Variants in NHS observed in about 807,000 individuals in gnomAD.
The protein encoded by NHS is actin remodeling regulator NHS.
In NHS, 5 loss-of-function variants were observed where a neutral mutation model predicts 72.5. That is an observed-to-expected ratio of 0.07 (90% CI 0.04 to 0.14). NHS has a LOEUF of 0.14. Ranked by LOEUF, NHS falls within the 10% of genes least tolerant of loss-of-function variation. The pLI, the probability that NHS is intolerant of heterozygous loss-of-function variation, is 1.00. For synonymous variants in NHS, 464 were observed against 547.7 expected, an observed-to-expected ratio of 0.85 and a Z score of 2.13; for missense variants, 1,072 against 1,355.7, an observed-to-expected ratio of 0.79 and a Z score of 3.29.
chrX:17,589,785 T>A (rs899290471), intron 1 of NHS, among the ~76,000 whole-genome samples: 1 of 112,132 alleles, frequency 8.9e-6, no homozygotes, highest in Non-Finnish European at 1.9e-5. Context: ...TATACTAGTT[T>A]ACATTCCCAC....
intron 2 of NHS, 84 bp from the exon 3 acceptor site, chrX:17,692,251 G>C: frequency 9.4e-7 from 1 of 1,066,673 alleles, no homozygotes. Flanking sequence ...TTTTTTTACA[G>C]CCTTTTGCTA....
chrX:17,721,303 A>T, intron 4 of NHS, 138 bp from the exon 5 acceptor site: 1 of 558,262 alleles, frequency 1.8e-6, no homozygotes, highest in Non-Finnish European at 3.1e-6. Context: ...TGTGCTTACT[A>T]ACTATTTCTA....
chrX:17,618,298 T>A (rs1336985245), intron 1 of NHS, among the ~76,000 whole-genome samples: 6 of 112,140 alleles, frequency 5.4e-5, no homozygotes, highest in Non-Finnish European at 1.1e-4. Context: ...TGAGTACAGT[T>A]ACAGCCAAAT....
chrX:17,466,141 C>T (rs2064869866), intron 1 of NHS, among the ~76,000 whole-genome samples: 1 of 113,144 alleles, frequency 8.8e-6, no homozygotes. Context: ...TGCCCTCCTG[C>T]CCTGTCGGGC....
At chrX:17,631,273 A>G (rs750375200) in intron 1 of NHS, among the ~76,000 whole-genome samples, 5 of 112,236 alleles carry the variant, frequency 4.5e-5, no homozygotes, top group Non-Finnish European at 7.5e-5. Flanking sequence ...TGAGACATCA[A>G]GTTACCATGG....
intron 3 of NHS, among the ~76,000 whole-genome samples, chrX:17,709,266 T>C (rs1417383995): frequency 9.0e-6 from 1 of 111,636 alleles, no homozygotes; most frequent in East Asian, 2.8e-4. Context: ...CCACAATAAA[T>C]TCTTTTCCCC....
intron 3 of NHS, among the ~76,000 whole-genome samples, chrX:17,704,676 T>C (rs2066286091): frequency 9.0e-6 from 1 of 111,674 alleles, no homozygotes; most frequent in Non-Finnish European, 1.9e-5. Context: ...GACTAAGAGA[T>C]GGTCACATTC....
intron 3 of NHS, among the ~76,000 whole-genome samples, chrX:17,695,253 C>G (rs966080914): frequency 8.9e-6 from 1 of 111,876 alleles, no homozygotes; most frequent in Non-Finnish European, 1.9e-5. Flanking sequence ...TCAGTGTATG[C>G]AAAGATTTAT....
intron 1 of NHS, among the ~76,000 whole-genome samples, chrX:17,393,789 C>T (rs1474972891): frequency 9.0e-6 from 1 of 111,675 alleles, no homozygotes; most frequent in East Asian, 2.8e-4. Flanking sequence ...CTATCCATAG[C>T]TGAGAGGGTT....
At chrX:17,706,387 T>C (rs965592545) in intron 3 of NHS, among the ~76,000 whole-genome samples, 16 of 111,215 alleles carry the variant, frequency 1.4e-4, no homozygotes, top group African/African-American at 5.2e-4. Flanking sequence ...AGATATACTA[T>C]GGCTATGTAA....
At chrX:17,418,842 C>T (rs769731948) in intron 1 of NHS, among the ~76,000 whole-genome samples, 5 of 110,699 alleles carry the variant, frequency 4.5e-5, no homozygotes, top group South Asian at 3.8e-4. Flanking sequence ...AACTAAGGGA[C>T]GGAGGAAAAG....
At chrX:17,609,380 G>T (rs1172591898) in intron 1 of NHS, among the ~76,000 whole-genome samples, 1 of 111,639 alleles carries the variant, frequency 9.0e-6, no homozygotes, top group Non-Finnish European at 1.9e-5. Context: ...AGCTCACCAG[G>T]ACACAAGGCA....
intron 1 of NHS, among the ~76,000 whole-genome samples, chrX:17,495,966 C>T (rs1393826731): frequency 9.0e-6 from 1 of 111,301 alleles, no homozygotes; most frequent in African/African-American, 3.3e-5. Context: ...GCTGGTGGCA[C>T]TCTGGAAAGG....
intron 1 of NHS, among the ~76,000 whole-genome samples, chrX:17,552,063 G>A (rs140885716): frequency 8.9e-6 from 1 of 111,823 alleles, no homozygotes; most frequent in Non-Finnish European, 1.9e-5. Flanking sequence ...GTTACTAACT[G>A]GTCCAGGACC....
intron 1 of NHS, among the ~76,000 whole-genome samples, chrX:17,434,872 T>C (rs1160982258): frequency 8.9e-6 from 1 of 112,014 alleles, no homozygotes; most frequent in Non-Finnish European, 1.9e-5. Flanking sequence ...AGCCAGGCAA[T>C]TGAATGAACA....
At chrX:17,691,028 G>C (rs1260563334) in intron 2 of NHS, among the ~76,000 whole-genome samples, 1 of 111,812 alleles carries the variant, frequency 8.9e-6, no homozygotes, top group Non-Finnish European at 1.9e-5. Flanking sequence ...GGCTGTAGTG[G>C]ACTAATGTTC....
At chrX:17,429,354 C>T (rs924330338) in intron 1 of NHS, among the ~76,000 whole-genome samples, 3 of 111,024 alleles carry the variant, frequency 2.7e-5, no homozygotes, top group Non-Finnish European at 5.7e-5. Context: ...TGATCCACGG[C>T]GTCATCAAGT....
chrX:17,602,470 CA>C (rs2065655450), intron 1 of NHS, among the ~76,000 whole-genome samples: 1 of 111,301 alleles, frequency 9.0e-6, no homozygotes, highest in Non-Finnish European at 1.9e-5. Context: ...GGAGATTGCT[CA>C]ACTGGAGAGG....
chrX:17,706,272 G>T (rs1388333043), intron 3 of NHS, among the ~76,000 whole-genome samples: 1 of 111,464 alleles, frequency 9.0e-6, no homozygotes, highest in Non-Finnish European at 1.9e-5. Context: ...TCCTGGATTG[G>T]ATCCTGGTTG....
Sources: gnomAD v4.1 joint callset for allele counts (sites outside exome capture counted in the v4.1 genomes callset) on GRCh38, gnomAD v4.1.1 for gene constraint, MANE v1.5 for transcripts, NCBI Gene and HGNC (gene_info 2026-07-23, HGNC 2026-07-21) for gene names.